Variants in ASIP observed in about 807,000 individuals in gnomAD.
ASIP encodes the protein agouti-signaling protein.
Under a neutral mutation model 10.3 loss-of-function variants are expected in ASIP, and 11 were observed. The ratio of observed to expected loss-of-function variants is 1.07; its 90% CI spans 0.68 to 1.78. The LOEUF (loss-of-function observed/expected upper bound fraction) is 1.78, where lower values mean the gene tolerates loss of function less well. Among genes scored for constraint, ASIP ranks in the 40% most tolerant of loss-of-function variants. ASIP has a pLI of 0.00. For synonymous variants in ASIP, 70 were observed against 70.8 expected, an observed-to-expected ratio of 0.99 and a Z score of 0.06; for missense variants, 180 against 169.2, an observed-to-expected ratio of 1.06 and a Z score of -0.35.
chr20:34,269,129 A>G lies in ASIP; in HGVS notation c.361A>G (p.Ser121Gly). 2 of 1,554,828 alleles carry G rather than the reference A, an allele frequency of 1.3e-6. No homozygotes were observed. The highest frequency in any genetic ancestry group is 1.7e-6 in the Non-Finnish European group (2 of 1,149,736). The change falls in exon 4 of 4, where the codon AGC becomes GGC. Residue 121 changes from serine to glycine, a missense_variant. Coordinates refer to ENST00000374954, the MANE Select transcript of ASIP (RefSeq NM_001672.3). Reference sequence around the variant, plus strand: ...CTCCTGCCAGTGCCGCTTCTTCCGCAGCGCCTGCTCCTGCCGCGTGCTCAG... The same window carrying G: ...CTCCTGCCAGTGCCGCTTCTTCCGCGGCGCCTGCTCCTGCCGCGTGCTCAG... ...CASCQCRFFRSACSCRVLSLN... is the reference protein window; with the variant it reads ...CASCQCRFFRGACSCRVLSLN...
At chr20:34,249,458 C>A (rs116414543) in intron 1 of ASIP, among the ~76,000 whole-genome samples, 2 of 152,044 alleles carry the variant, frequency 1.3e-5, no homozygotes, top group African/African-American at 4.8e-5. Flanking sequence ...TCCCCTAATC[C>A]GCAAACTTCT....
At chr20:34,260,598 C>A in intron 2 of ASIP, 64 bp downstream of exon 2, 1 of 1,501,062 alleles carries the variant, frequency 6.7e-7, no homozygotes, top group South Asian at 1.3e-5. Flanking sequence ...AGCATGCTTC[C>A]CAGGGTGCTA....
chr20:34,243,791 G>A (rs930632509), intron 1 of ASIP, among the ~76,000 whole-genome samples: 1 of 150,956 alleles, frequency 6.6e-6, no homozygotes, highest in African/African-American at 2.4e-5. Flanking sequence ...CTCGCCGGGC[G>A]CGGTGGCTCA....
Position 34,199,022 on chromosome 20 carries a change from T to A in ASIP, c.-11+4262T>A, listed in dbSNP as rs1477706655. Among the ~76,000 whole-genome samples the A allele has an allele frequency of 6.6e-5, 10 of 152,242 alleles. No individual in the cohort carries two copies. In the East Asian group the frequency reaches 1.7e-3, roughly 26 times the overall value. On this transcript the variant is annotated intron_variant, in intron 1 of 3. Transcript: ENST00000568305. The stretch of plus-strand genomic sequence containing the variant: ...TGCCTGTTTGGGGGCTTTATATGTG[T>A]GTGTAGGTGTTTTTATGCGTGGCTT...
intron 1 of ASIP, among the ~76,000 whole-genome samples, chr20:34,249,292 G>A (rs1237647941): frequency 1.3e-5 from 2 of 151,842 alleles, no homozygotes; most frequent in African/African-American, 4.8e-5. Flanking sequence ...CTCCCCAAAC[G>A]CATTCCCATC....
At chr20:34,262,285 T>C (rs1424003668) in intron 2 of ASIP, among the ~76,000 whole-genome samples, 1 of 152,240 alleles carries the variant, frequency 6.6e-6, no homozygotes, top group Non-Finnish European at 1.5e-5. Flanking sequence ...TGGAACCTTT[T>C]TTGCAGATGA....
intron 1 of ASIP, among the ~76,000 whole-genome samples, chr20:34,257,680 T>A (rs1339497981): frequency 6.6e-6 from 1 of 152,222 alleles, no homozygotes; most frequent in Non-Finnish European, 1.5e-5. Context: ...TTATGATAAC[T>A]ATTCATGATG....
chr20:34,207,139 C>T (rs1459749745), intron 1 of ASIP, among the ~76,000 whole-genome samples: 3 of 152,206 alleles, frequency 2.0e-5, no homozygotes, highest in South Asian at 2.1e-4. Flanking sequence ...AAGCATCCCC[C>T]TTTCTCTGCA....
At chr20:34,233,814 C>T (rs1182090617) in intron 1 of ASIP, among the ~76,000 whole-genome samples, 1 of 152,134 alleles carries the variant, frequency 6.6e-6, no homozygotes, top group African/African-American at 2.4e-5. Flanking sequence ...ACTAGAACAG[C>T]AAAACCATTA....
intron 1 of ASIP, among the ~76,000 whole-genome samples, chr20:34,243,178 T>C (rs1384051096): frequency 6.6e-6 from 1 of 152,224 alleles, no homozygotes; most frequent in Non-Finnish European, 1.5e-5. Flanking sequence ...GTCTTGTCCT[T>C]TTGTCCCTTG....
intron 1 of ASIP, among the ~76,000 whole-genome samples, chr20:34,212,040 C>T (rs186373843): frequency 2.3e-4 from 35 of 152,152 alleles, no homozygotes; most frequent in Admixed American, 2.1e-3. Context: ...CTTACTATGT[C>T]CTATATGATT....
At chr20:34,257,076 T>TTTTTTTTTG (rs2035584791) in intron 1 of ASIP, among the ~76,000 whole-genome samples, 1 of 151,110 alleles carries the variant, frequency 6.6e-6, no homozygotes, top group African/African-American at 2.4e-5. Context: ...TTCTCTTTTT[T>TTTTTTTTTG]TTTTTTGTTT....
intron 3 of ASIP, among the ~76,000 whole-genome samples, chr20:34,267,024 C>G (rs2035798076): frequency 6.6e-6 from 1 of 152,146 alleles, no homozygotes; most frequent in Admixed American, 6.6e-5. Context: ...AGTCCCTGCT[C>G]TTTTCTAGGC....
intron 1 of ASIP, among the ~76,000 whole-genome samples, chr20:34,226,415 C>T (rs537324405): frequency 4.3e-4 from 65 of 152,138 alleles, no homozygotes; most frequent in African/African-American, 1.5e-3. Flanking sequence ...TGCAGTGGCA[C>T]GACTTTGGCT....
chr20:34,232,131 A>G (rs761933256), intron 1 of ASIP, among the ~76,000 whole-genome samples: 1 of 152,230 alleles, frequency 6.6e-6, no homozygotes, highest in Non-Finnish European at 1.5e-5. Context: ...TGACAATAGC[A>G]CTGAGTTTGG....
intron 1 of ASIP, among the ~76,000 whole-genome samples, chr20:34,257,524 A>G (rs1308294699): frequency 6.6e-6 from 1 of 152,202 alleles, no homozygotes; most frequent in African/African-American, 2.4e-5. Flanking sequence ...TCAATGATAC[A>G]GAATAAAAAT....
intron 1 of ASIP, among the ~76,000 whole-genome samples, chr20:34,211,498 T>C (rs2034974229): frequency 6.6e-6 from 1 of 152,244 alleles, no homozygotes; most frequent in Admixed American, 6.5e-5. Flanking sequence ...TGTTGTTCTA[T>C]ATTTCTTCTT....
chr20:34,238,903 CT>C (rs1429073484), upstream of ASIP, among the ~76,000 whole-genome samples: 1 of 152,148 alleles, frequency 6.6e-6, no homozygotes, highest in Non-Finnish European at 1.5e-5. Context: ...AAGCCTTCAC[CT>C]AGAAGTTGCA....
chr20:34,194,040 C>T (rs1195255661), upstream of ASIP, among the ~76,000 whole-genome samples: 1 of 152,178 alleles, frequency 6.6e-6, no homozygotes, highest in African/African-American at 2.4e-5. Flanking sequence ...CAAGCTGCAG[C>T]CACATTTAAT....
Sources: allele counts gnomAD v4.1 joint callset (sites outside exome capture counted in the v4.1 genomes callset), GRCh38; gene constraint gnomAD v4.1.1; transcripts MANE v1.5; gene names NCBI Gene and HGNC (gene_info 2026-07-23, HGNC 2026-07-21).